Variants in KLF15 observed in about 807,000 individuals in gnomAD.
KLF15 encodes the protein Krueppel-like factor 15.
In KLF15, 4 loss-of-function variants were observed where a neutral mutation model predicts 24.6. That is an observed-to-expected ratio of 0.16 (90% confidence interval 0.08 to 0.37). The LOEUF is 0.37. Among genes scored for constraint, KLF15 ranks in the 10% least tolerant of loss-of-function variants. The pLI is 1.00. For missense variants in KLF15, 496 were observed against 560.6 expected (o/e 0.88, Z 1.16); for synonymous variants, 246 against 236.3 (o/e 1.04, Z -0.37).
the KLF15 span, among the ~76,000 whole-genome samples, chr3:126,323,446 GTTATATAT>G: frequency 4.3e-5 from 2 of 47,048 alleles, no homozygotes; most frequent in Non-Finnish European, 7.7e-5. Context: ...ACATATATAT[GTTATATAT>G]ATATATAACA....
At chr3:126,295,061 C>T in the KLF15 span, among the ~76,000 whole-genome samples, 9 of 152,252 alleles carry the variant, frequency 5.9e-5, no homozygotes, top group East Asian at 3.9e-4. Flanking sequence ...TGCACTTATA[C>T]GCACATGCAT....
the KLF15 span, among the ~76,000 whole-genome samples, chr3:126,328,063 C>A: frequency 1.3e-5 from 2 of 152,024 alleles, no homozygotes; most frequent in Non-Finnish European, 2.9e-5. Flanking sequence ...TATCTGTAAT[C>A]TTTTATACCT....
chr3:126,341,097 C>T (rs1360649217), downstream of KLF15, among the ~76,000 whole-genome samples: 1 of 152,176 alleles, frequency 6.6e-6, no homozygotes, highest in Non-Finnish European at 1.5e-5. Context: ...CCCCATTATC[C>T]CTGTTCCCTG....
the KLF15 span, among the ~76,000 whole-genome samples, chr3:126,331,306 G>A: frequency 6.6e-6 from 1 of 152,154 alleles, no homozygotes. Context: ...TCCTCTCTGG[G>A]AATACAAACC....
the KLF15 span, among the ~76,000 whole-genome samples, chr3:126,332,003 C>T: frequency 5.9e-5 from 9 of 152,294 alleles, no homozygotes; most frequent in African/African-American, 2.2e-4. Flanking sequence ...GAGGGGCGCC[C>T]GCCATTGCCC....
intron 2 of KLF15, 73 bp from the exon 3 acceptor site, chr3:126,343,968 G>C: frequency 8.3e-6 from 12 of 1,439,230 alleles, no homozygotes; most frequent in Non-Finnish European, 1.1e-5. Context: ...CGAAGTTGCC[G>C]GGATGCAAGG....
the KLF15 span, among the ~76,000 whole-genome samples, chr3:126,291,659 G>A: frequency 1.3e-5 from 2 of 152,242 alleles, no homozygotes; most frequent in Non-Finnish European, 2.9e-5. Context: ...CCATTGATGT[G>A]TGCTTTCTCC....
the KLF15 span, among the ~76,000 whole-genome samples, chr3:126,320,003 G>A: frequency 7.9e-5 from 12 of 152,304 alleles, no homozygotes; most frequent in Non-Finnish European, 1.6e-4. Flanking sequence ...GTGGCGGGTG[G>A]GGAAGCTGGC....
chr3:126,319,736 A>G, the KLF15 span, among the ~76,000 whole-genome samples: 3 of 152,310 alleles, frequency 2.0e-5, no homozygotes, highest in African/African-American at 7.2e-5. Context: ...TTTTTCAAAC[A>G]AAGTTATTTC....
chr3:126,304,873 T>A, the KLF15 span, among the ~76,000 whole-genome samples: 1 of 152,248 alleles, frequency 6.6e-6, no homozygotes, highest in Non-Finnish European at 1.5e-5. Context: ...GTAAACCTTT[T>A]AATGTTTACT....
downstream of KLF15, among the ~76,000 whole-genome samples, chr3:126,341,747 A>C (rs1002009120): frequency 6.6e-6 from 1 of 152,130 alleles, no homozygotes; most frequent in Non-Finnish European, 1.5e-5. Context: ...CCCTACCCCC[A>C]GCCTCCAGAT....
the KLF15 span, among the ~76,000 whole-genome samples, chr3:126,330,585 G>T: frequency 6.6e-6 from 1 of 151,436 alleles, no homozygotes; most frequent in Non-Finnish European, 1.5e-5. Context: ...CAAATAATAA[G>T]TTGTGTTTGT....
chr3:126,313,451 C>A, the KLF15 span, among the ~76,000 whole-genome samples: 19 of 152,290 alleles, frequency 1.2e-4, no homozygotes, highest in African/African-American at 4.3e-4. Context: ...TCTGCAGTGA[C>A]CCTATCTTTA....
chr3:126,290,426 G>A, the KLF15 span, among the ~76,000 whole-genome samples: 1 of 152,154 alleles, frequency 6.6e-6, no homozygotes, highest in Admixed American at 6.5e-5. Flanking sequence ...GCACCCTGTG[G>A]TTCTTTCAAA....
At chr3:126,341,371 C>T (rs1159338124), downstream of KLF15, among the ~76,000 whole-genome samples, 3 of 152,220 alleles carry the variant, frequency 2.0e-5, no homozygotes, top group East Asian at 3.8e-4. Context: ...GGTTATTCCA[C>T]GTCCCATGTC....
chr3:126,341,434 T>G (rs374971670), downstream of KLF15, among the ~76,000 whole-genome samples: 72 of 152,326 alleles, frequency 4.7e-4, no homozygotes, highest in South Asian at 0.014. Context: ...ACCTCTTATC[T>G]AGGGCTGAAC....
At chr3:126,304,661 C>G in the KLF15 span, among the ~76,000 whole-genome samples, 1 of 152,244 alleles carries the variant, frequency 6.6e-6, no homozygotes, top group African/African-American at 2.4e-5. Flanking sequence ...CTGTCCTTCA[C>G]AGCTTGACAT....
At chr3:126,337,522 C>G in the KLF15 span, among the ~76,000 whole-genome samples, 1 of 149,404 alleles carries the variant, frequency 6.7e-6, no homozygotes. Context: ...CACATGTATA[C>G]ATATGTAACT....
intron 2 of KLF15, among the ~76,000 whole-genome samples, chr3:126,350,437 T>C (rs975276775): frequency 6.6e-6 from 1 of 152,134 alleles, no homozygotes; most frequent in African/African-American, 2.4e-5. Context: ...TCCATAAACC[T>C]AGACACTGTT....
Sources: gnomAD v4.1 joint callset for allele counts (sites outside exome capture counted in the v4.1 genomes callset) on GRCh38, gnomAD v4.1.1 for gene constraint, MANE v1.5 for transcripts, NCBI Gene and HGNC (gene_info 2026-07-23, HGNC 2026-07-21) for gene names.